FGD5: variants seen among roughly 807,000 people sequenced by gnomAD.
FGD5 encodes FYVE, RhoGEF and PH domain containing 5.
FGD5 carries 28 observed loss-of-function variants against 133.4 expected under a neutral mutation model. The ratio of observed to expected loss-of-function variants is 0.21; its 90% confidence interval spans 0.16 to 0.29. The LOEUF is 0.29. FGD5 is among the 10% of genes least tolerant of loss of function. The pLI, the probability that FGD5 is intolerant of heterozygous loss-of-function variation, is 1.00. For synonymous variants in FGD5, 810 were observed against 776.5 expected, an observed-to-expected ratio of 1.04 and a Z score of -0.72; for missense variants, 1,858 against 1,895.2, an observed-to-expected ratio of 0.98 and a Z score of 0.36.
intron 1 of FGD5, among the ~76,000 whole-genome samples, chr3:14,824,209 G>A (rs539213267): frequency 6.6e-6 from 1 of 152,254 alleles, no homozygotes; most frequent in East Asian, 1.9e-4. Context: ...AGCAAAGGGG[G>A]AGAAAAATCC....
chr3:14,928,552 C>T (rs892741777), intron 18 of FGD5, among the ~76,000 whole-genome samples: 1 of 152,094 alleles, frequency 6.6e-6, no homozygotes, highest in African/African-American at 2.4e-5. Context: ...AGAGAACAGC[C>T]TGGCCAACAT....
chr3:14,864,892 C>T (rs2037464948), intron 2 of FGD5, among the ~76,000 whole-genome samples: 1 of 152,202 alleles, frequency 6.6e-6, no homozygotes, highest in Non-Finnish European at 1.5e-5. Flanking sequence ...CACCTACTCA[C>T]TGACAAAGTC....
chr3:14,841,390 A>T (rs528974526), intron 1 of FGD5, among the ~76,000 whole-genome samples: 1 of 152,312 alleles, frequency 6.6e-6, no homozygotes, highest in East Asian at 1.9e-4. Context: ...TGAGGTTGGC[A>T]TGTGCTTAGG....
chr3:14,899,399 C>T (rs1367874591), intron 7 of FGD5, among the ~76,000 whole-genome samples: 1 of 152,146 alleles, frequency 6.6e-6, no homozygotes, highest in East Asian at 1.9e-4. Context: ...CCTATCTCTG[C>T]CTGCTGGAAA....
At chr3:14,908,039 T>C (rs993934538) in intron 10 of FGD5, among the ~76,000 whole-genome samples, 1 of 152,168 alleles carries the variant, frequency 6.6e-6, no homozygotes, top group Admixed American at 6.5e-5. Context: ...AAACAGAAAA[T>C]GATCTCCCAA....
chr3:14,906,760 A>T (rs2038350624), intron 9 of FGD5, among the ~76,000 whole-genome samples: 1 of 152,196 alleles, frequency 6.6e-6, no homozygotes, highest in African/African-American at 2.4e-5. Flanking sequence ...TGTGTCACCA[A>T]AGGTGCGGCA....
intron 1 of FGD5, among the ~76,000 whole-genome samples, chr3:14,853,662 T>C (rs1313408927): frequency 7.1e-6 from 1 of 141,634 alleles, no homozygotes; most frequent in Non-Finnish European, 1.5e-5. Flanking sequence ...TTTTTTTTTT[T>C]TTTTTACGAG....
At chr3:14,838,332 A>C (rs763481303) in intron 1 of FGD5, among the ~76,000 whole-genome samples, 1 of 152,218 alleles carries the variant, frequency 6.6e-6, no homozygotes, top group African/African-American at 2.4e-5. Flanking sequence ...GCCCACCCAG[A>C]TAACCAAGGG....
rs373264825 is a variant in FGD5 at position 14,846,169 on chromosome 3, A to G, written c.2526-17959A>G. Among the ~76,000 whole-genome samples, 123 of 152,280 alleles carry G rather than the reference A, an allele frequency of 8.1e-4. No individual in the cohort carries two copies. The South Asian group carries it at 0.018, about 22-fold the overall frequency. Reference sequence around the variant, plus strand: ...TAATTGAACCCGTGTGGCTGGTGCAATCTTCACATGGAAGAAGAAAATGCT... The same window carrying G: ...TAATTGAACCCGTGTGGCTGGTGCAGTCTTCACATGGAAGAAGAAAATGCT... On this transcript the variant is annotated intron_variant, in intron 1 of 19. Transcript: ENST00000285046.
At chr3:14,930,870 G>A (rs1274607427) in intron 18 of FGD5, 1 of 151,974 alleles carries the variant, frequency 6.6e-6, no homozygotes. Context: ...ATTGTGAATG[G>A]CATTTATTTT....
intron 7 of FGD5, among the ~76,000 whole-genome samples, chr3:14,900,076 G>T (rs2038208378): frequency 6.6e-6 from 1 of 152,208 alleles, no homozygotes; most frequent in South Asian, 2.1e-4. Context: ...AACACACTCG[G>T]CTGTGCTGAT....
At chr3:14,812,913 T>A (rs192163793) in intron 1 of FGD5, among the ~76,000 whole-genome samples, 1 of 152,242 alleles carries the variant, frequency 6.6e-6, no homozygotes, top group African/African-American at 2.4e-5. Flanking sequence ...TTAGGTGTTT[T>A]ACTTCTATCA....
intron 1 of FGD5, 136 bp from the exon 2 acceptor site, chr3:14,863,992 T>G (rs1575216097): frequency 5.1e-5 from 64 of 1,245,050 alleles, no homozygotes; most frequent in East Asian, 5.1e-5. Context: ...TGGCTGGGGG[T>G]GGGGAAGTAG....
rs570316233 is a variant in FGD5, at chr3:14,867,000, G to GCT, written c.2658+2741_2658+2742dup. Among the ~76,000 whole-genome samples, 746 of 152,316 alleles carry GCT rather than the reference G, an allele frequency of 4.9e-3. 7 individuals are homozygous for GCT. The highest frequency in any genetic ancestry group is 0.017 in the African/African-American group (711 of 41,570). On this transcript the variant is annotated intron_variant, in intron 2 of 19. Transcript: ENST00000285046. ...TCACCAGAGTCCAGACTTCTCATCA[G>GCT]CTATAGGGTTGGACATCCGTGCCCT...
rs898836749 is a variant in FGD5 at position 14,922,862 on chromosome 3, C to T, written c.3808-184C>T. On this transcript the variant is annotated intron_variant, in intron 15 of 19. Transcript: ENST00000285046. This position sits in a 1 kb window ranked among gnomAD's most constrained non-coding sequence, Gnocchi z 4.1. ...CGGGCTCATCAGAAAAGCAGATAGGCGCTGGCTCAGAAACAAGATGAAGCC... is the reference window on the plus strand; with the variant it reads ...CGGGCTCATCAGAAAAGCAGATAGGTGCTGGCTCAGAAACAAGATGAAGCC... 2.6e-5 allele frequency among the ~76,000 whole-genome samples: 4 copies of T among 152,086 alleles called. No individual in the cohort carries two copies. The highest frequency in any genetic ancestry group is 4.1e-4 in the South Asian group (2 of 4,824).
At chr3:14,810,930 A>T (rs1253985226) in intron 1 of FGD5, 1 of 983,374 alleles carries the variant, frequency 1.0e-6, no homozygotes, top group Non-Finnish European at 1.2e-6. Context: ...GGGCGCTCCA[A>T]GTTGGAGCTC....
chr3:14,867,789 A>G (rs936925354), intron 2 of FGD5, among the ~76,000 whole-genome samples: 8 of 152,100 alleles, frequency 5.3e-5, no homozygotes, highest in Non-Finnish European at 2.9e-5. Context: ...AAAGGCAAAG[A>G]CCTCTCATCT....
chr3:14,910,630 A>T (rs2038429995), intron 10 of FGD5, among the ~76,000 whole-genome samples: 1 of 152,168 alleles, frequency 6.6e-6, no homozygotes, highest in Non-Finnish European at 1.5e-5. Context: ...CAGGACTATG[A>T]TCCAAGCCCT....
chr3:14,881,837 C>G (rs2037830605), intron 4 of FGD5, among the ~76,000 whole-genome samples: 1 of 152,204 alleles, frequency 6.6e-6, no homozygotes, highest in South Asian at 2.1e-4. Flanking sequence ...CCACTCCCCT[C>G]GCATTCACTG....
Sources: gnomAD v4.1 joint callset for allele counts (sites outside exome capture counted in the v4.1 genomes callset) on GRCh38, gnomAD v4.1.1 for gene constraint, Gnocchi (gnomAD v3.1) non-coding constraint, MANE v1.5 for transcripts, NCBI Gene and HGNC (gene_info 2026-07-23, HGNC 2026-07-21) for gene names.